Variants in PARS2 observed in about 807,000 individuals in gnomAD.
PARS2 encodes prolyl-tRNA synthetase 2, mitochondrial, also known as probable proline--tRNA ligase, mitochondrial.
Under a neutral mutation model 27.4 loss-of-function variants are expected in PARS2, and 20 were observed. The ratio of observed to expected loss-of-function variants is 0.73; its 90% confidence interval spans 0.51 to 1.06. The LOEUF (loss-of-function observed/expected upper bound fraction) is 1.06, where lower values mean the gene tolerates loss of function less well. PARS2 is among the 50% of genes least tolerant of loss of function. PARS2 has a pLI of 0.00. For synonymous variants in PARS2, 240 were observed against 247.1 expected, an observed-to-expected ratio of 0.97 and a Z score of 0.27; for missense variants, 585 against 602.1, an observed-to-expected ratio of 0.97 and a Z score of 0.30.
chr1:54,758,570 G>T lies in PARS2; in HGVS notation c.592C>A (p.Leu198Ile). 1.2e-6 allele frequency: 2 copies of T among 1,614,238 alleles called. No individual in the cohort carries two copies. The highest frequency in any genetic ancestry group is 1.7e-6 in the Non-Finnish European group (2 of 1,180,038). Residue 198 changes from leucine to isoleucine, a missense_variant, in exon 2 of 2, where the codon CTT becomes ATT. Transcript: ENST00000371279. The stretch of plus-strand genomic sequence containing the variant: ...ATGTAAAACTCTCGGCCACGGAGAA[G>T]ACCAAAGCGGGGCCTGGGCTCATCC... ...FRDEPRPRFG[L>I]LRGREFYMKD...
Position 54,757,862 on chromosome 1 carries a change from T to A in PARS2, c.1300A>T (p.Ile434Leu). ...TCCAGGGCCCTCTTGCCAGCGATTATCACAAAGGGGTAGCCAAACTTGTTG... is the reference window on the plus strand; with the variant it reads ...TCCAGGGCCCTCTTGCCAGCGATTAACACAAAGGGGTAGCCAAACTTGTTG... ...DANKFGYPFV[I>L]IAGKRALEDP... The change falls in exon 2 of 2, where the codon ATA becomes TTA. Residue 434 changes from isoleucine to leucine, a missense_variant. Transcript: ENST00000371279. 1 of 1,614,210 alleles carries A rather than the reference T, an allele frequency of 6.2e-7. No individual in the cohort carries two copies. Among genetic ancestry groups the A allele is most frequent in the Non-Finnish European group, 8.5e-7 (1 of 1,180,032 alleles).
At chr1:54,761,460 C>A (rs1009470586) in intron 1 of PARS2, among the ~76,000 whole-genome samples, 1 of 152,154 alleles carries the variant, frequency 6.6e-6, no homozygotes, top group Non-Finnish European at 1.5e-5. Context: ...CTGATTACAT[C>A]AAAAATCAGT....
rs747172569 is a variant in PARS2, at chr1:54,757,751, G to T, written c.1411C>A (p.Pro471Thr). The change falls in exon 2 of 2, where the codon CCA becomes ACA. Residue 471 changes from proline (P) to threonine (T), a missense_variant. Transcript: ENST00000371279. ...TKDGVMDLLT[P>T]VQTV The stretch of plus-strand genomic sequence containing the variant: ...GGGGGCATTTAGACAGTCTGCACTG[G>T]GGTCAGTAAATCCATGACTCCATCT... The T allele has an allele frequency of 6.2e-7, 1 of 1,610,762 alleles. No homozygotes were observed. Among genetic ancestry groups the T allele is most frequent in the South Asian group, 1.1e-5 (1 of 90,580 alleles).
chr1:54,758,540 C>G lies in PARS2; in HGVS notation c.622G>C (p.Asp208His), dbSNP rs1167861010. 6.2e-7 allele frequency: 1 copy of G among 1,614,076 alleles called. No homozygotes were observed. Among genetic ancestry groups the G allele is most frequent in the Non-Finnish European group, 8.5e-7 (1 of 1,180,054 alleles). The change falls in exon 2 of 2, where the codon GAT (aspartate) becomes CAT (histidine). Residue 208 changes from aspartate to histidine, a missense_variant. Asp to His is a moderately conservative substitution (Grantham distance 81). Coordinates refer to ENST00000371279, the MANE Select transcript of PARS2 (RefSeq NM_152268.4). ...GGGGAGGAGTCAAAGGTGTACATATCCTTCATGTAAAACTCTCGGCCACGG... is the reference window on the plus strand; with the variant it reads ...GGGGAGGAGTCAAAGGTGTACATATGCTTCATGTAAAACTCTCGGCCACGG... ...LLRGREFYMK[D>H]MYTFDSSPEA...
Position 54,757,409 on chromosome 1 carries a change from G to T in PARS2, c.*325C>A. On this transcript the variant is annotated 3_prime_UTR_variant, in exon 2 of 2. Transcript: ENST00000371279. ...ACGTGAAAAACTCAGCTGAGAGAAG[G>T]GAAGTGACTTCCCCCCTCAGGGTAA... is the stretch of plus-strand genomic sequence containing the variant. 4.6e-6 allele frequency: 1 copy of T among 217,192 alleles called. No homozygotes were observed. The highest frequency in any genetic ancestry group is 9.0e-6 in the Non-Finnish European group (1 of 110,822). The allele number at this position is 217,192 out of a possible 1,614,324, so 13.5% of individuals were successfully genotyped here. A position where few individuals can be genotyped will look rare whatever the true frequency, so the allele number is the denominator to read the frequency against.
In PARS2 at chr1:54,759,126, G is replaced by C. The variant is rs200754768; in HGVS notation, c.36C>G (p.Pro12=). 21 of 1,607,746 alleles carry C rather than the reference G, an allele frequency of 1.3e-5. No individual in the cohort carries two copies. The highest frequency in any genetic ancestry group is 1.8e-5 in the Non-Finnish European group (21 of 1,175,542). ...EGLLTRCRAL[P]ALATCSRQLS... Reference sequence around the variant, plus strand: ...GCTGGCGGCTGCAGGTGGCCAGGGCGGGCAATGCTCTGCATCTTGTCAGCA... The same window carrying C: ...GCTGGCGGCTGCAGGTGGCCAGGGCCGGCAATGCTCTGCATCTTGTCAGCA... Residue 12 remains proline, a synonymous_variant, in exon 2 of 2, where the codon CCC becomes CCG. Coordinates refer to ENST00000371279, the MANE Select transcript of PARS2 (RefSeq NM_152268.4).
rs1267504166 is a variant in PARS2 at position 54,759,137 on chromosome 1, TGCATC to T, written c.20_24del (p.Arg7LysfsTer56). On this transcript the variant is annotated frameshift_variant, in exon 2 of 2. Coordinates refer to ENST00000371279, the MANE Select transcript of PARS2 (RefSeq NM_152268.4). LOFTEE classifies it low-confidence loss of function (END_TRUNC). ...CAGGTGGCCAGGGCGGGCAATGCTC[TGCATC>T]TTGTCAGCAGCCCTTCCATGACACC... 6.3e-7 allele frequency: 1 copy of T among 1,598,046 alleles called. No individual in the cohort carries two copies. The highest frequency in any genetic ancestry group is 1.3e-5 in the African/African-American group (1 of 74,624).
intron 1 of PARS2, among the ~76,000 whole-genome samples, chr1:54,762,509 G>A (rs866481749): frequency 6.6e-6 from 1 of 152,176 alleles, no homozygotes; most frequent in South Asian, 2.1e-4. Flanking sequence ...TGGGGTGTGG[G>A]CAGAGAACCT....
intron 1 of PARS2, among the ~76,000 whole-genome samples, chr1:54,764,166 C>A (rs775684225): frequency 6.6e-6 from 1 of 152,232 alleles, no homozygotes; most frequent in African/African-American, 2.4e-5. Context: ...GGAAGGCTGG[C>A]TCAGGCAGCA....
Position 54,759,120 on chromosome 1 carries a change from C to T in PARS2, c.42G>A (p.Leu14=). 1 of 1,609,704 alleles carries T rather than the reference C, an allele frequency of 6.2e-7. No homozygotes were observed. The highest frequency in any genetic ancestry group is 8.5e-7 in the Non-Finnish European group (1 of 1,176,812). The change falls in exon 2 of 2, where the codon CTG becomes CTA. Residue 14 remains leucine (L), a synonymous_variant. Coordinates refer to ENST00000371279, the MANE Select transcript of PARS2 (RefSeq NM_152268.4). ...CAGAGAGCTGGCGGCTGCAGGTGGC[C>T]AGGGCGGGCAATGCTCTGCATCTTG... ...LLTRCRALPA[L]ATCSRQLSGY...
At position 54,759,175 on chromosome 1, in the gene PARS2, C is replaced by T. The variant is rs768477642; in HGVS notation, c.-14G>A. 24 of 1,563,542 alleles carry T rather than the reference C, an allele frequency of 1.5e-5. No individual in the cohort carries two copies. Among genetic ancestry groups the T allele is most frequent in the Middle Eastern group, 1.7e-4 (1 of 5,842 alleles). ...CAGCCCTTCCATGACACCCTGGCACCGGGAAGCACAGGCACCTGAGGAAAA... is the reference window on the plus strand; with the variant it reads ...CAGCCCTTCCATGACACCCTGGCACTGGGAAGCACAGGCACCTGAGGAAAA... On this transcript the variant is annotated 5_prime_UTR_variant, in exon 2 of 2. Coordinates refer to ENST00000371279, the MANE Select transcript of PARS2 (RefSeq NM_152268.4).
rs769085346 is a variant in PARS2, at chr1:54,758,919, G to A, written c.243C>T (p.Tyr81=). 2.5e-6 allele frequency: 4 copies of A among 1,614,164 alleles called. No individual in the cohort carries two copies. In the Admixed American group the frequency reaches 6.7e-5, roughly 27 times the overall value. The change falls in exon 2 of 2, where the codon TAC becomes TAT. Residue 81 remains tyrosine, a synonymous_variant. Coordinates refer to ENST00000371279, the MANE Select transcript of PARS2 (RefSeq NM_152268.4). ...GGTGGTAACAGCCGGGGCTTGCTGGGTAGATCAGGCCCACCTGCAGCATCA... is the reference window on the plus strand; with the variant it reads ...GGTGGTAACAGCCGGGGCTTGCTGGATAGATCAGGCCCACCTGCAGCATCA... ...QRLMLQVGLI[Y]PASPGCYHLL...
chr1:54,760,084 T>C (rs1024702373), intron 1 of PARS2, among the ~76,000 whole-genome samples: 1 of 152,148 alleles, frequency 6.6e-6, no homozygotes, highest in African/African-American at 2.4e-5. Context: ...TGTTGCCATC[T>C]GTCTCTTGCA....
intron 1 of PARS2, among the ~76,000 whole-genome samples, chr1:54,762,550 ATGC>A (rs1419438142): frequency 2.0e-5 from 3 of 152,238 alleles, no homozygotes; most frequent in Non-Finnish European, 4.4e-5. Flanking sequence ...GGTGACACAG[ATGC>A]TGCTGGTCCA....
Position 54,758,283 on chromosome 1 carries a change from A to C in PARS2, c.879T>G (p.Pro293=), listed in dbSNP as rs1646133477. The C allele has an allele frequency of 6.2e-7, 1 of 1,614,098 alleles. No individual in the cohort carries two copies. The highest frequency in any genetic ancestry group is 8.5e-7 in the Non-Finnish European group (1 of 1,180,048). Residue 293 remains proline, a synonymous_variant, in exon 2 of 2, where the codon CCT becomes CCG. Coordinates refer to ENST00000371279, the MANE Select transcript of PARS2 (RefSeq NM_152268.4). Reference sequence around the variant, plus strand: ...TTTTAGTCAATGGGCCCTGGCAAGCAGGGCAGTTCATTTGTGACAAGTCTA... The same window carrying C: ...TTTTAGTCAATGGGCCCTGGCAAGCCGGGCAGTTCATTTGTGACAAGTCTA... ...ETLDLSQMNC[P]ACQGPLTKTK...
chr1:54,758,463 C>G lies in PARS2; in HGVS notation c.699G>C (p.Leu233=). The change falls in exon 2 of 2, where the codon CTG becomes CTC. Residue 233 remains leucine (L), a synonymous_variant. Coordinates refer to ENST00000371279, the MANE Select transcript of PARS2 (RefSeq NM_152268.4). ...CAAATGGCAGCCCTAGCTTGTTGAACAGGCTGCAGTAGGCATCACACACCA... is the reference window on the plus strand; with the variant it reads ...CAAATGGCAGCCCTAGCTTGTTGAAGAGGCTGCAGTAGGCATCACACACCA... The part of the protein sequence containing the change: ...YSLVCDAYCS[L]FNKLGLPFVK... 6.2e-7 allele frequency: 1 copy of G among 1,614,094 alleles called. No individual in the cohort carries two copies. The highest frequency in any genetic ancestry group is 8.5e-7 in the Non-Finnish European group (1 of 1,180,000).
chr1:54,761,339 AC>A (rs1266647570), intron 1 of PARS2, among the ~76,000 whole-genome samples: 4 of 152,168 alleles, frequency 2.6e-5, no homozygotes, highest in Non-Finnish European at 4.4e-5. Context: ...CTTGCTCACC[AC>A]TGTATCTTCA....
At chr1:54,760,412 C>T (rs907738342) in intron 1 of PARS2, among the ~76,000 whole-genome samples, 13 of 152,346 alleles carry the variant, frequency 8.5e-5, no homozygotes, top group East Asian at 1.9e-4. Context: ...CTGTGTCCCA[C>T]GTTCACAGCC....
At chr1:54,762,784 G>A (rs1646164638) in intron 1 of PARS2, among the ~76,000 whole-genome samples, 1 of 152,102 alleles carries the variant, frequency 6.6e-6, no homozygotes, top group South Asian at 2.1e-4. Flanking sequence ...GGCTGGTCTT[G>A]AACTCCTGGC....
Sources: allele counts gnomAD v4.1 joint callset (sites outside exome capture counted in the v4.1 genomes callset), GRCh38; gene constraint gnomAD v4.1.1; transcripts MANE v1.5; gene names NCBI Gene and HGNC (gene_info 2026-07-23, HGNC 2026-07-21).